Variants in IMMP2L observed in about 807,000 individuals in gnomAD.
The protein encoded by IMMP2L is mitochondrial inner membrane protease subunit 2.
In IMMP2L, 18 loss-of-function variants were observed where a neutral mutation model predicts 19.3. That is an observed-to-expected ratio of 0.93 (90% CI 0.64 to 1.38). The LOEUF is 1.38. IMMP2L is among the 40% of genes most tolerant of loss of function. The pLI is 0.00. For synonymous variants in IMMP2L, 76 were observed against 73.0 expected (o/e 1.04, Z -0.21); for missense variants, 233 against 218.2 (o/e 1.07, Z -0.43).
chr7:111,520,727 ATCAACTT>A (rs1846253489), intron 2 of IMMP2L, among the ~76,000 whole-genome samples: 1 of 152,168 alleles, frequency 6.6e-6, no homozygotes, highest in African/African-American at 2.4e-5. Flanking sequence ...GGTTCTAGAC[ATCAACTT>A]TAGGACAACA....
chr7:111,554,440 T>C (rs928944003), intron 1 of IMMP2L, among the ~76,000 whole-genome samples: 2 of 152,056 alleles, frequency 1.3e-5, no homozygotes, highest in Non-Finnish European at 2.9e-5. Context: ...GAATATTTTA[T>C]TCCCCTAATC....
At chr7:111,393,290 T>C (rs1832563748) in intron 3 of IMMP2L, among the ~76,000 whole-genome samples, 1 of 152,152 alleles carries the variant, frequency 6.6e-6, no homozygotes, top group Non-Finnish European at 1.5e-5. Context: ...TCTACACTAC[T>C]ATAATGCTTT....
At chr7:111,155,590 G>C (rs559580010) in intron 3 of IMMP2L, among the ~76,000 whole-genome samples, 1 of 151,474 alleles carries the variant, frequency 6.6e-6, no homozygotes, top group Admixed American at 6.6e-5. Context: ...CTGTCTCTCT[G>C]TCTGTGTATA....
At chr7:110,781,561 T>G (rs1799746045) in intron 5 of IMMP2L, among the ~76,000 whole-genome samples, 1 of 151,984 alleles carries the variant, frequency 6.6e-6, no homozygotes, top group Non-Finnish European at 1.5e-5. Flanking sequence ...GAGATATAGA[T>G]ATTTTGTATT....
At chr7:110,842,538 C>G (rs1012398946) in intron 5 of IMMP2L, among the ~76,000 whole-genome samples, 1 of 152,150 alleles carries the variant, frequency 6.6e-6, no homozygotes, top group Non-Finnish European at 1.5e-5. Flanking sequence ...GCCTCAGGCT[C>G]TATTGTTGTA....
intron 5 of IMMP2L, among the ~76,000 whole-genome samples, chr7:110,830,469 GTA>G (rs1383825994): frequency 6.9e-6 from 1 of 145,292 alleles, no homozygotes; most frequent in Non-Finnish European, 1.6e-5. Context: ...TTTCCTTAAA[GTA>G]AAGTGGACAC....
intron 3 of IMMP2L, among the ~76,000 whole-genome samples, chr7:111,384,615 C>A (rs1831556066): frequency 6.6e-6 from 1 of 152,038 alleles, no homozygotes; most frequent in Admixed American, 6.6e-5. Context: ...AGGTAAAAAT[C>A]TTTTGACTCT....
intron 3 of IMMP2L, among the ~76,000 whole-genome samples, chr7:110,976,548 A>G (rs2129557357): frequency 6.6e-6 from 1 of 152,212 alleles, no homozygotes; most frequent in South Asian, 2.1e-4. Flanking sequence ...GATTTTAAAA[A>G]ATTTTATAAC....
At chr7:111,112,659 G>C (rs1270452652) in intron 3 of IMMP2L, among the ~76,000 whole-genome samples, 1 of 152,162 alleles carries the variant, frequency 6.6e-6, no homozygotes, top group African/African-American at 2.4e-5. Context: ...AGATTGTCAG[G>C]AATTTAAGCA....
intron 1 of IMMP2L, among the ~76,000 whole-genome samples, chr7:111,535,760 G>C (rs1300332818): frequency 6.6e-6 from 1 of 152,126 alleles, no homozygotes; most frequent in African/African-American, 2.4e-5. Context: ...TGAGTTGGGA[G>C]AACAGTGGTG....
intron 3 of IMMP2L, chr7:111,392,006 A>G (rs561874238): frequency 1.6e-5 from 11 of 702,698 alleles, no homozygotes; most frequent in Non-Finnish European, 2.9e-5. Context: ...CCTTGCTTCA[A>G]TGTCCTCTCC....
intron 3 of IMMP2L, among the ~76,000 whole-genome samples, chr7:111,452,467 C>T: frequency 6.6e-6 from 1 of 152,204 alleles, no homozygotes; most frequent in South Asian, 2.1e-4. Flanking sequence ...AGATTTATTT[C>T]CAATAAATTA....
intron 3 of IMMP2L, among the ~76,000 whole-genome samples, chr7:111,454,109 A>C (rs936887682): frequency 6.6e-6 from 1 of 152,074 alleles, no homozygotes; most frequent in Admixed American, 6.6e-5. Flanking sequence ...CATATAAAAA[A>C]CTTTGGACTT....
In IMMP2L at chr7:111,239,158, G is replaced by C. The variant is rs569153218; in HGVS notation, c.239+248080C>G. Among the ~76,000 whole-genome samples, 5 of 151,886 alleles carry C rather than the reference G, an allele frequency of 3.3e-5. No homozygotes were observed. The South Asian group carries it at 1.0e-3, about 32-fold the overall frequency. ...AGGTCTCTGTCAATTTGAATAATGA[G>C]TTCAAATCCACATCCTGTTCAACAT... On this transcript the variant is annotated intron_variant, in intron 3 of 5. Transcript: ENST00000405709.
intron 1 of IMMP2L, among the ~76,000 whole-genome samples, chr7:111,554,072 C>G (rs1420877845): frequency 2.6e-5 from 4 of 152,138 alleles, no homozygotes; most frequent in Non-Finnish European, 5.9e-5. Flanking sequence ...AGCTCCAAAT[C>G]CCAGCCTTTT....
chr7:111,182,768 T>C (rs1807848654), intron 3 of IMMP2L, among the ~76,000 whole-genome samples: 1 of 151,968 alleles, frequency 6.6e-6, no homozygotes, highest in Non-Finnish European at 1.5e-5. Context: ...ATCCTACAGA[T>C]ATATGGCACA....
intron 3 of IMMP2L, among the ~76,000 whole-genome samples, chr7:111,290,667 A>G (rs1584476427): frequency 6.6e-6 from 1 of 152,240 alleles, no homozygotes; most frequent in South Asian, 2.1e-4. Context: ...AATATCTGTG[A>G]TACACAGATA....
intron 3 of IMMP2L, among the ~76,000 whole-genome samples, chr7:110,970,795 A>T (rs1282122285): frequency 6.6e-6 from 1 of 152,098 alleles, no homozygotes; most frequent in Non-Finnish European, 1.5e-5. Flanking sequence ...CTTTGCATGG[A>T]ATACCACTTA....
chr7:111,419,595 C>G (rs1563168664), intron 3 of IMMP2L, among the ~76,000 whole-genome samples: 1 of 151,662 alleles, frequency 6.6e-6, no homozygotes, highest in Non-Finnish European at 1.5e-5. Flanking sequence ...ACCTGGAAGT[C>G]CCCTCCCTGC....
Sources: gnomAD v4.1 joint callset for allele counts (sites outside exome capture counted in the v4.1 genomes callset) on GRCh38, gnomAD v4.1.1 for gene constraint, MANE v1.5 for transcripts, NCBI Gene and HGNC (gene_info 2026-07-23, HGNC 2026-07-21) for gene names.